The following FAM133A variants were observed in gnomAD, a reference collection of about 807,000 sequenced individuals.
FAM133A encodes protein FAM133A.
For synonymous variants in FAM133A, 65 were observed against 58.6 expected, an observed-to-expected ratio of 1.11 and a Z score of -0.50; for missense variants, 159 against 164.4, an observed-to-expected ratio of 0.97 and a Z score of 0.18.
intron 2 of FAM133A, among the ~76,000 whole-genome samples, chrX:93,697,208 T>A (rs1926366323): frequency 9.6e-6 from 1 of 104,122 alleles, no homozygotes; most frequent in South Asian, 4.1e-4. Context: ...CATAGGCAGG[T>A]TAATATATTA....
chrX:93,695,870 T>G (rs1362331360), intron 2 of FAM133A, among the ~76,000 whole-genome samples: 1 of 106,292 alleles, frequency 9.4e-6, no homozygotes, highest in African/African-American at 3.4e-5. Context: ...GGTCTCGATC[T>G]CCTGACCTTG....
At chrX:93,690,524 C>T (rs1410732393) in intron 2 of FAM133A, among the ~76,000 whole-genome samples, 1 of 111,491 alleles carries the variant, frequency 9.0e-6, no homozygotes, top group Non-Finnish European at 1.9e-5. Flanking sequence ...TTTTGAGGTC[C>T]GTCCATGTTA....
chrX:93,681,830 A>G (rs2147591483), intron 2 of FAM133A, among the ~76,000 whole-genome samples: 1 of 112,020 alleles, frequency 8.9e-6, no homozygotes, highest in South Asian at 3.7e-4. Flanking sequence ...GTTTAGAGGT[A>G]ACTGGATACC....
At chrX:93,697,282 C>CT (rs1926372000) in intron 2 of FAM133A, among the ~76,000 whole-genome samples, 1 of 107,700 alleles carries the variant, frequency 9.3e-6, no homozygotes, top group Admixed American at 1.0e-4. Context: ...TTGAGAAACA[C>CT]TTTTTCAGAG....
intron 3 of FAM133A, among the ~76,000 whole-genome samples, chrX:93,704,749 GTA>G (rs1926933547): frequency 9.0e-6 from 1 of 111,681 alleles, no homozygotes; most frequent in South Asian, 3.7e-4. Flanking sequence ...ATAACAGATG[GTA>G]TAATCACTTT....
At chrX:93,701,003 T>C (rs901852116) in intron 3 of FAM133A, among the ~76,000 whole-genome samples, 2 of 111,479 alleles carry the variant, frequency 1.8e-5, no homozygotes, top group African/African-American at 6.5e-5. Context: ...TTGCTTCCTA[T>C]GCTTAAGGCC....
intron 2 of FAM133A, among the ~76,000 whole-genome samples, chrX:93,697,470 C>T (rs1260406170): frequency 9.0e-6 from 1 of 110,632 alleles, no homozygotes; most frequent in African/African-American, 3.3e-5. Context: ...TTTGAAAATA[C>T]CAAGAATAAA....
upstream of FAM133A, among the ~76,000 whole-genome samples, chrX:93,673,792 C>T (rs771286982): frequency 1.8e-5 from 2 of 108,608 alleles, no homozygotes; most frequent in South Asian, 8.1e-4. Context: ...GGTGCGACCC[C>T]TTGGAAGGTG....
rs143091993 is a variant in FAM133A at position 93,705,508 on chromosome X, C to T, written c.-103-3809C>T. ...CAGCAACACTTACATGGTGACAACA[C>T]CCTCTCCCATTCTCTGTTGTTACTC... is the stretch of plus-strand genomic sequence containing the variant. On this transcript the variant is annotated intron_variant, in intron 3 of 3. Coordinates refer to ENST00000683942, the MANE Select transcript of FAM133A (RefSeq NM_001171109.2). Among the ~76,000 whole-genome samples the T allele has an allele frequency of 6.2e-3, 691 of 111,756 alleles. 2 individuals carry two copies. The highest frequency in any genetic ancestry group is 0.022 in the African/African-American group (672 of 30,880).
intron 3 of FAM133A, among the ~76,000 whole-genome samples, chrX:93,706,125 T>G (rs1216220981): frequency 8.9e-6 from 1 of 112,555 alleles, no homozygotes; most frequent in Non-Finnish European, 1.9e-5. Context: ...TGAACTTGAC[T>G]GATCTTCTGC....
At chrX:93,686,518 C>T (rs1340250962) in intron 2 of FAM133A, among the ~76,000 whole-genome samples, 1 of 112,036 alleles carries the variant, frequency 8.9e-6, no homozygotes, top group Non-Finnish European at 1.9e-5. Flanking sequence ...ATACCAGGGT[C>T]TCACAGAATC....
intron 2 of FAM133A, among the ~76,000 whole-genome samples, chrX:93,694,201 A>G (rs1233023394): frequency 3.6e-5 from 4 of 111,516 alleles, no homozygotes; most frequent in African/African-American, 9.8e-5. Flanking sequence ...GCTTGTTTAT[A>G]ATATTTTCAT....
chrX:93,680,127 T>G (rs1407434221), intron 2 of FAM133A, among the ~76,000 whole-genome samples: 1 of 107,882 alleles, frequency 9.3e-6, no homozygotes, highest in African/African-American at 3.4e-5. Context: ...CCCAATTGTC[T>G]AGTAACCACC....
chrX:93,679,402 T>C (rs1569344173), intron 2 of FAM133A, among the ~76,000 whole-genome samples: 1 of 111,437 alleles, frequency 9.0e-6, no homozygotes, highest in East Asian at 2.8e-4. Flanking sequence ...GAATATGGTA[T>C]GTTGTTATAG....
chrX:93,684,769 T>TA (rs1021493619), intron 2 of FAM133A, among the ~76,000 whole-genome samples: 1 of 108,298 alleles, frequency 9.2e-6, no homozygotes, highest in Admixed American at 9.6e-5. Context: ...TTTTTATAAT[T>TA]AAAAAAACAA....
At chrX:93,692,281 A>G (rs1455316780) in intron 2 of FAM133A, among the ~76,000 whole-genome samples, 4 of 111,470 alleles carry the variant, frequency 3.6e-5, no homozygotes, top group African/African-American at 1.3e-4. Context: ...CATTAGGTAT[A>G]CTCAACCTGT....
At chrX:93,690,763 G>T (rs1399578437) in intron 2 of FAM133A, among the ~76,000 whole-genome samples, 1 of 111,470 alleles carries the variant, frequency 9.0e-6, no homozygotes, top group South Asian at 3.7e-4. Context: ...TGTGTTGTAT[G>T]GTATATTTGT....
chrX:93,681,295 A>G (rs1412894556), intron 2 of FAM133A, among the ~76,000 whole-genome samples: 4 of 110,049 alleles, frequency 3.6e-5, no homozygotes, highest in Admixed American at 2.0e-4. Flanking sequence ...CTGTCTATCT[A>G]TCTATCTATC....
At chrX:93,696,519 G>A (rs184559532) in intron 2 of FAM133A, among the ~76,000 whole-genome samples, 26 of 111,959 alleles carry the variant, frequency 2.3e-4, no homozygotes, top group African/African-American at 7.8e-4. Context: ...TGATACAAAA[G>A]CTTGGAGCTT....
Sources: allele counts gnomAD v4.1 joint callset (sites outside exome capture counted in the v4.1 genomes callset), GRCh38; gene constraint gnomAD v4.1.1; transcripts MANE v1.5; gene names NCBI Gene and HGNC (gene_info 2026-07-23, HGNC 2026-07-21).